Variants in TRDN observed in about 807,000 individuals in gnomAD.
TRDN encodes triadin in skeletal muscle.
TRDN carries 161 observed loss-of-function variants against 149.7 expected under a neutral mutation model. The ratio of observed to expected loss-of-function variants is 1.08; its 90% CI spans 0.95 to 1.23. TRDN has a LOEUF of 1.23. Among genes scored for constraint, TRDN ranks in the 50% most tolerant of loss-of-function variants. The probability of loss-of-function intolerance (pLI) is 0.00; values close to 1 mark genes in which losing one functional copy is unlikely to be tolerated. For missense variants in TRDN, 896 were observed against 823.5 expected, an observed-to-expected ratio of 1.09 and a Z score of -1.08; for synonymous variants, 294 against 250.5, an observed-to-expected ratio of 1.17 and a Z score of -1.64.
chr6:123,248,187 C>T (rs1192085603), intron 38 of TRDN, among the ~76,000 whole-genome samples: 1 of 152,056 alleles, frequency 6.6e-6, no homozygotes, highest in Non-Finnish European at 1.5e-5. Flanking sequence ...GCCAGCTAGC[C>T]TAAGCAGGAA....
intron 2 of TRDN, among the ~76,000 whole-genome samples, chr6:123,557,988 A>T (rs555038484): frequency 6.6e-6 from 1 of 151,904 alleles, no homozygotes; most frequent in East Asian, 1.9e-4. Flanking sequence ...CTGCCACTTG[A>T]CCCCAATACA....
chr6:123,553,288 A>T (rs1442666654), intron 2 of TRDN, among the ~76,000 whole-genome samples: 1 of 152,064 alleles, frequency 6.6e-6, no homozygotes, highest in African/African-American at 2.4e-5. Flanking sequence ...CTAAACTCTG[A>T]CTGCATAGCG....
intron 12 of TRDN, among the ~76,000 whole-genome samples, chr6:123,435,246 C>T (rs1774504079): frequency 1.3e-5 from 2 of 151,824 alleles, no homozygotes; most frequent in Admixed American, 6.6e-5. Flanking sequence ...TTTGGGGCTA[C>T]AGTAGTGAGA....
intron 12 of TRDN, among the ~76,000 whole-genome samples, chr6:123,424,159 A>G (rs1049233707): frequency 2.6e-5 from 4 of 152,130 alleles, no homozygotes; most frequent in Non-Finnish European, 4.4e-5. Context: ...TATATACCCT[A>G]CCTGGCCACA....
intron 12 of TRDN, among the ~76,000 whole-genome samples, chr6:123,436,615 T>G (rs1774575292): frequency 6.6e-6 from 1 of 152,088 alleles, no homozygotes; most frequent in South Asian, 2.1e-4. Context: ...CATCATTTTT[T>G]CCACATACAT....
chr6:123,443,589 G>A (rs970367608), intron 10 of TRDN, among the ~76,000 whole-genome samples: 8 of 152,142 alleles, frequency 5.3e-5, no homozygotes, highest in Admixed American at 2.0e-4. Context: ...TCAGGAGATC[G>A]AGACCATCCT....
intron 5 of TRDN, among the ~76,000 whole-genome samples, chr6:123,518,418 G>A (rs4392740): frequency 0.12 from 17,818 of 152,070 alleles, 1,309 homozygotes; most frequent in Non-Finnish European, 0.17. Flanking sequence ...TCTCTGAGGG[G>A]GAACCAAGTT....
chr6:123,407,613 T>TGGCA (rs1773249242), intron 12 of TRDN, among the ~76,000 whole-genome samples: 1 of 152,164 alleles, frequency 6.6e-6, no homozygotes, highest in Admixed American at 6.5e-5. Flanking sequence ...TTTTGGCTCA[T>TGGCA]GGCACCCTCT....
At chr6:123,446,501 C>T (rs1367262544) in intron 10 of TRDN, among the ~76,000 whole-genome samples, 1 of 144,946 alleles carries the variant, frequency 6.9e-6, no homozygotes, top group Non-Finnish European at 1.5e-5. Flanking sequence ...AGAAGAACGG[C>T]GTGAACCCAG....
At chr6:123,493,945 A>G (rs2114803877) in intron 9 of TRDN, among the ~76,000 whole-genome samples, 1 of 152,208 alleles carries the variant, frequency 6.6e-6, no homozygotes, top group East Asian at 1.9e-4. Flanking sequence ...AATTTTGTTT[A>G]GGTACATTTA....
chr6:123,527,478 G>A (rs12192602), intron 5 of TRDN, among the ~76,000 whole-genome samples: 5 of 151,676 alleles, frequency 3.3e-5, no homozygotes, highest in East Asian at 3.9e-4. Flanking sequence ...ATTATATTCC[G>A]CAAGATCATT....
intron 7 of TRDN, among the ~76,000 whole-genome samples, chr6:123,506,112 T>G (rs1407895547): frequency 6.6e-6 from 1 of 152,170 alleles, no homozygotes; most frequent in Non-Finnish European, 1.5e-5. Flanking sequence ...TTAGTGTCTG[T>G]CTGGAAAGAA....
At chr6:123,459,194 C>A (rs1776307750) in intron 10 of TRDN, among the ~76,000 whole-genome samples, 1 of 152,160 alleles carries the variant, frequency 6.6e-6, no homozygotes, top group African/African-American at 2.4e-5. Context: ...CAGCATCCTG[C>A]CTGACATGTG....
In TRDN at chr6:123,427,590, T is replaced by C. The variant is rs76261561; in HGVS notation, c.1051+10473A>G. Reference sequence around the variant, plus strand: ...CCCATATAATCTTAAACATCCCACATTGTCTACTTCTAACTTCCACCATGG... The same window carrying C: ...CCCATATAATCTTAAACATCCCACACTGTCTACTTCTAACTTCCACCATGG... On this transcript the variant is annotated intron_variant, in intron 12 of 40. Coordinates refer to ENST00000334268, the MANE Select transcript of TRDN (RefSeq NM_006073.4). Among the ~76,000 whole-genome samples, 588 of 152,128 alleles carry C rather than the reference T, an allele frequency of 3.9e-3. 10 individuals are homozygous for C. In the East Asian group the frequency reaches 0.046, roughly 12 times the overall value.
chr6:123,422,136 A>C (rs954556097), intron 12 of TRDN, among the ~76,000 whole-genome samples: 1 of 152,226 alleles, frequency 6.6e-6, no homozygotes, highest in Non-Finnish European at 1.5e-5. Flanking sequence ...GGATGTGCGT[A>C]GGTTATATGC....
At chr6:123,366,760 C>T (rs1015040213) in intron 19 of TRDN, among the ~76,000 whole-genome samples, 6 of 152,058 alleles carry the variant, frequency 3.9e-5, no homozygotes, top group East Asian at 1.9e-4. Flanking sequence ...TCAGGTGATC[C>T]GCCCGCCTCA....
chr6:123,404,308 T>G (rs183991294), intron 12 of TRDN, among the ~76,000 whole-genome samples: 30 of 152,366 alleles, frequency 2.0e-4, no homozygotes, highest in African/African-American at 7.2e-4. Flanking sequence ...ATATGTTGTT[T>G]GTTATCTCTA....
At chr6:123,548,739 T>C in intron 2 of TRDN, 127 bp from the exon 3 acceptor site, 2 of 837,730 alleles carry the variant, frequency 2.4e-6, no homozygotes, top group Non-Finnish European at 1.6e-6. Flanking sequence ...ATTCTAAATA[T>C]CTCCTGGCTA....
Position 123,548,511 on chromosome 6 carries a change from C to A in TRDN, c.334G>T (p.Asp112Tyr). Residue 112 changes from aspartate to tyrosine, a missense_variant, in exon 3 of 41, where the codon GAC becomes TAC. Asp to Tyr is a radical substitution (Grantham distance 160). Coordinates refer to ENST00000334268, the MANE Select transcript of TRDN (RefSeq NM_006073.4). ...WIYGFFSLLSDIISSEDEEDD... is the reference protein window; with the variant it reads ...WIYGFFSLLSYIISSEDEEDD... Reference sequence around the variant, plus strand: ...TCTTCATCTTCAGATGAGATGATGTCAGATAACAAAGAAAAGAAGCCATAG... The same window carrying A: ...TCTTCATCTTCAGATGAGATGATGTAAGATAACAAAGAAAAGAAGCCATAG... 1.9e-6 allele frequency: 3 copies of A among 1,578,790 alleles called. No homozygotes were observed. In the East Asian group the frequency reaches 6.8e-5, roughly 36 times the overall value.
Sources: allele counts gnomAD v4.1 joint callset (sites outside exome capture counted in the v4.1 genomes callset), GRCh38; gene constraint gnomAD v4.1.1; transcripts MANE v1.5; gene names NCBI Gene and HGNC (gene_info 2026-07-23, HGNC 2026-07-21).